The following LAMA2 variants were observed in gnomAD, a reference collection of about 807,000 sequenced individuals.
LAMA2 encodes laminin subunit alpha 2.
In LAMA2, 269 loss-of-function variants were observed where a neutral mutation model predicts 364.8. The observed-to-expected ratio is 0.74, with a 90% CI of 0.67 to 0.82. LAMA2 has a LOEUF of 0.82. LAMA2 is among the 40% of genes least tolerant of loss of function. The probability of loss-of-function intolerance (pLI) is 0.00; values close to 1 mark genes in which losing one functional copy is unlikely to be tolerated. For missense variants in LAMA2, 3,807 were observed against 3,873.2 expected, an observed-to-expected ratio of 0.98 and a Z score of 0.45; for synonymous variants, 1,379 against 1,370.6, an observed-to-expected ratio of 1.01 and a Z score of -0.14.
At chr6:128,981,729 G>T (rs1366476686) in intron 1 of LAMA2, among the ~76,000 whole-genome samples, 3 of 152,094 alleles carry the variant, frequency 2.0e-5, no homozygotes, top group Admixed American at 2.0e-4. Context: ...CAGCATAGGT[G>T]ACAGAGCCAG....
chr6:128,896,896 C>T (rs189759716), intron 1 of LAMA2, among the ~76,000 whole-genome samples: 13 of 152,256 alleles, frequency 8.5e-5, no homozygotes, highest in Admixed American at 5.9e-4. Flanking sequence ...CAGATCTGCT[C>T]GGTGAGAAAT....
chr6:128,891,910 A>G (rs1035461169), intron 1 of LAMA2, among the ~76,000 whole-genome samples: 1 of 152,050 alleles, frequency 6.6e-6, no homozygotes, highest in Admixed American at 6.6e-5. Flanking sequence ...TAGAAAACGT[A>G]TGGACTTAGG....
At chr6:129,161,298 A>C (rs935564395) in intron 8 of LAMA2, among the ~76,000 whole-genome samples, 4 of 152,020 alleles carry the variant, frequency 2.6e-5, no homozygotes, top group Non-Finnish European at 4.4e-5. Context: ...AAGATTTCTT[A>C]TAAAGAGTAA....
intron 20 of LAMA2, among the ~76,000 whole-genome samples, chr6:129,296,740 G>A (rs1021269639): frequency 5.3e-5 from 8 of 151,660 alleles, no homozygotes; most frequent in South Asian, 2.1e-4. Context: ...AGTAATTACC[G>A]AGAATAATTT....
intron 12 of LAMA2, among the ~76,000 whole-genome samples, chr6:129,224,365 A>G (rs940559288): frequency 1.3e-5 from 2 of 152,202 alleles, no homozygotes; most frequent in African/African-American, 4.8e-5. Context: ...TGCCCTGGCC[A>G]GAACTTCCAA....
chr6:128,927,531 T>A (rs933871089), intron 1 of LAMA2, among the ~76,000 whole-genome samples: 7 of 152,218 alleles, frequency 4.6e-5, no homozygotes, highest in Admixed American at 3.9e-4. Context: ...TTCCAGAACG[T>A]ACAACTTAAC....
intron 8 of LAMA2, chr6:129,159,251 T>TCC: frequency 1.3e-6 from 1 of 783,104 alleles, no homozygotes. Flanking sequence ...TGACTTCAAC[T>TCC]CCCACTGCTT....
chr6:129,496,671 T>C (rs2114870814), intron 58 of LAMA2, among the ~76,000 whole-genome samples: 1 of 152,308 alleles, frequency 6.6e-6, no homozygotes, highest in South Asian at 2.1e-4. Flanking sequence ...TAAAGGTTAC[T>C]AAAAGTTAAA....
At chr6:129,451,511 G>T (rs1782674336) in intron 45 of LAMA2, among the ~76,000 whole-genome samples, 2 of 152,164 alleles carry the variant, frequency 1.3e-5, no homozygotes, top group African/African-American at 4.8e-5. Context: ...CCTCCTCTGG[G>T]TGGTGGAGGA....
intron 12 of LAMA2, among the ~76,000 whole-genome samples, chr6:129,244,180 C>T (rs1214361270): frequency 6.6e-6 from 1 of 152,090 alleles, no homozygotes; most frequent in East Asian, 1.9e-4. Context: ...TGCCTGTTTT[C>T]TAATTCTACA....
chr6:128,895,520 C>A (rs1398285824), intron 1 of LAMA2, among the ~76,000 whole-genome samples: 2 of 147,418 alleles, frequency 1.4e-5, no homozygotes, highest in East Asian at 4.0e-4. Context: ...TGGTGGCGGG[C>A]GCTTGTAGTG....
At chr6:129,221,775 A>G (rs1783869570) in intron 12 of LAMA2, among the ~76,000 whole-genome samples, 1 of 152,178 alleles carries the variant, frequency 6.6e-6, no homozygotes, top group Non-Finnish European at 1.5e-5. Flanking sequence ...GTGCACCCAG[A>G]TAAACACATA....
chr6:128,964,716 A>G (rs1479539118), intron 1 of LAMA2, among the ~76,000 whole-genome samples: 3 of 152,004 alleles, frequency 2.0e-5, no homozygotes, highest in Admixed American at 6.6e-5. Context: ...AACACATACT[A>G]CTCATCAAAG....
At chr6:129,057,199 G>A (rs1022034082) in intron 2 of LAMA2, among the ~76,000 whole-genome samples, 2 of 152,078 alleles carry the variant, frequency 1.3e-5, no homozygotes, top group Non-Finnish European at 2.9e-5. Flanking sequence ...TTGAATAGAT[G>A]TATCATTTAT....
intron 12 of LAMA2, among the ~76,000 whole-genome samples, chr6:129,197,462 A>G (rs533842874): frequency 6.6e-6 from 1 of 152,208 alleles, no homozygotes; most frequent in Non-Finnish European, 1.5e-5. Context: ...CTTTGAATCC[A>G]TCAATGACTT....
Position 129,275,018 on chromosome 6 carries a change from A to G in LAMA2, c.2450+4267A>G, listed in dbSNP as rs561604027. Among the ~76,000 whole-genome samples the G allele has an allele frequency of 2.0e-4, 31 of 152,120 alleles. No homozygotes were observed. In the South Asian group the frequency reaches 6.4e-3, roughly 32 times the overall value. ...GGACCTCAATAAGTTCTATCTACTA[A>G]TATCACTGTAAATACTACTGGTTTG... is the stretch of plus-strand genomic sequence containing the variant. On this transcript the variant is annotated intron_variant, in intron 17 of 64. Coordinates refer to ENST00000421865, the MANE Select transcript of LAMA2 (RefSeq NM_000426.4).
At chr6:129,278,283 A>G (rs1320599440) in intron 17 of LAMA2, among the ~76,000 whole-genome samples, 1 of 152,226 alleles carries the variant, frequency 6.6e-6, no homozygotes, top group Non-Finnish European at 1.5e-5. Context: ...AAACTGATTT[A>G]GGATTATAAA....
chr6:129,289,631 G>C (rs1217829688), intron 19 of LAMA2, among the ~76,000 whole-genome samples: 2 of 151,566 alleles, frequency 1.3e-5, no homozygotes, highest in Non-Finnish European at 2.9e-5. Flanking sequence ...ATTTATTGTG[G>C]GATTATTTTA....
rs747952930 is a variant in LAMA2 at position 129,034,737 on chromosome 6, C to T, written c.113-15181C>T. ...TGAAAATGTCATATTCAATTTTCTGCTTCTGAGTTATTTCACTTAGGATAA... is the reference window on the plus strand; with the variant it reads ...TGAAAATGTCATATTCAATTTTCTGTTTCTGAGTTATTTCACTTAGGATAA... On this transcript the variant is annotated intron_variant, in intron 1 of 64. Transcript: ENST00000421865. Among the ~76,000 whole-genome samples, 113 of 152,032 alleles carry T rather than the reference C, an allele frequency of 7.4e-4. 1 individual carries two copies. The highest frequency in any genetic ancestry group is 4.3e-4 in the Non-Finnish European group (29 of 67,960).
Sources: gnomAD v4.1 joint callset for allele counts (sites outside exome capture counted in the v4.1 genomes callset) on GRCh38, gnomAD v4.1.1 for gene constraint, MANE v1.5 for transcripts, NCBI Gene and HGNC (gene_info 2026-07-23, HGNC 2026-07-21) for gene names.